NOL10: variants seen among roughly 807,000 people sequenced by gnomAD.
NOL10 encodes the protein nucleolar protein 10, also known as H_NH0074G24.1.
Under a neutral mutation model 103.5 loss-of-function variants are expected in NOL10, and 58 were observed. That is an observed-to-expected ratio of 0.56 (90% confidence interval 0.45 to 0.70). The LOEUF (loss-of-function observed/expected upper bound fraction) is 0.70, where lower values mean the gene tolerates loss of function less well. NOL10 is among the 30% of genes least tolerant of loss of function. The pLI is 0.00. For missense variants in NOL10, 763 were observed against 807.3 expected (o/e 0.95, Z 0.67); for synonymous variants, 287 against 282.5 (o/e 1.02, Z -0.16).
intron 13 of NOL10, among the ~76,000 whole-genome samples, chr2:10,639,522 A>G (rs1426722374): frequency 1.3e-5 from 2 of 152,082 alleles, no homozygotes; most frequent in Non-Finnish European, 2.9e-5. Flanking sequence ...CACCCCAACC[A>G]CCACCACCAA....
intron 12 of NOL10, among the ~76,000 whole-genome samples, chr2:10,650,838 CA>C (rs1185403833): frequency 6.6e-6 from 1 of 152,142 alleles, no homozygotes; most frequent in African/African-American, 2.4e-5. Context: ...AGCACCCTCT[CA>C]ATCCATTTTA....
At chr2:10,591,773 G>A (rs920629291) in intron 17 of NOL10, among the ~76,000 whole-genome samples, 8 of 152,138 alleles carry the variant, frequency 5.3e-5, no homozygotes, top group African/African-American at 1.9e-4. Flanking sequence ...GGAGGCTGAG[G>A]TGGGAGGACT....
At chr2:10,594,605 A>G (rs571503192) in intron 17 of NOL10, among the ~76,000 whole-genome samples, 1 of 152,358 alleles carries the variant, frequency 6.6e-6, no homozygotes, top group African/African-American at 2.4e-5. Flanking sequence ...AACTACATAG[A>G]AAACGAGCAA....
chr2:10,650,477 C>G (rs1274253202), intron 12 of NOL10, among the ~76,000 whole-genome samples: 1 of 152,162 alleles, frequency 6.6e-6, no homozygotes, highest in African/African-American at 2.4e-5. Flanking sequence ...CAACAATCTT[C>G]ATTAAATAAG....
intron 3 of NOL10, among the ~76,000 whole-genome samples, chr2:10,678,797 C>G (rs1272760729): frequency 6.6e-6 from 1 of 152,160 alleles, no homozygotes; most frequent in Admixed American, 6.5e-5. Flanking sequence ...CATTCCAACT[C>G]CATTTCCCCT....
intron 20 of NOL10, among the ~76,000 whole-genome samples, chr2:10,573,820 C>T (rs1234691647): frequency 6.6e-6 from 1 of 152,160 alleles, no homozygotes; most frequent in Non-Finnish European, 1.5e-5. Context: ...CAAACTCCTC[C>T]ACTGTGCTCC....
At position 10,587,140 on chromosome 2, in the gene NOL10, CAT is replaced by C. The variant is rs1419070763; in HGVS notation, c.1844+1901_1844+1902del. Reference sequence around the variant, plus strand: ...ATATACATATATATACATATATACACATATATATACATATATACACATATATA... The same window carrying C: ...ATATACATATATATACATATATACACATATATACATATATACACATATATA... On this transcript the variant is annotated intron_variant, in intron 19 of 20. Transcript: ENST00000381685. 1.9e-3 allele frequency among the ~76,000 whole-genome samples: 60 copies of C among 32,216 alleles called. 17 individuals carry two copies. Among genetic ancestry groups the C allele is most frequent in the African/African-American group, 9.3e-3 (51 of 5,484 alleles). The allele number at this position is 32,216 out of a possible 152,430, so 21.1% of individuals were successfully genotyped here.
intron 10 of NOL10, 54 bp downstream of exon 10, chr2:10,659,118 C>T (rs1163783158): frequency 8.4e-7 from 1 of 1,190,584 alleles, no homozygotes; most frequent in African/African-American, 1.5e-5. Context: ...ATGACACATA[C>T]ACACACCACT....
intron 17 of NOL10, among the ~76,000 whole-genome samples, chr2:10,599,561 T>C (rs2148181579): frequency 1.3e-5 from 2 of 152,322 alleles, no homozygotes; most frequent in South Asian, 4.1e-4. Flanking sequence ...ATTAATAAGT[T>C]TGAGGAATTA....
chr2:10,607,065 C>T (rs367620084), intron 14 of NOL10, 120 bp downstream of exon 14: 12 of 546,242 alleles, frequency 2.2e-5, no homozygotes, highest in East Asian at 9.6e-5. Context: ...TCTGATTTGG[C>T]AGAAAGGGAA....
Position 10,596,253 on chromosome 2 carries a change from T to TGGG in NOL10, c.1422+4599_1422+4600insCCC, listed in dbSNP as rs1469968902. 5.6e-4 allele frequency among the ~76,000 whole-genome samples: 10 copies of TGGG among 17,836 alleles called. 1 individual carries two copies. The highest frequency in any genetic ancestry group is 1.6e-3 in the South Asian group (1 of 636). The allele number at this position is 17,836 out of a possible 152,430, so 11.7% of individuals were successfully genotyped here. ...CGGAAGACAAGTTTTCCACAGATGG[T>TGGG]GGTGGGGGGCGGGGGGCGGGCGCGA... On this transcript the variant is annotated intron_variant, in intron 17 of 20. Coordinates refer to ENST00000381685, the MANE Select transcript of NOL10 (RefSeq NM_024894.4).
chr2:10,676,460 AAT>A lies in NOL10; in HGVS notation c.212-591_212-590del, dbSNP rs1353060273. 2.6e-5 allele frequency among the ~76,000 whole-genome samples: 4 copies of A among 152,344 alleles called. No homozygotes were observed. The East Asian group carries it at 7.7e-4, about 29-fold the overall frequency. On this transcript the variant is annotated intron_variant, in intron 3 of 20. Transcript: ENST00000381685. ...AAATGACAATAAATCCACACAAGGG[AAT>A]ATTACATAGCCCATAAAGTGGATGA...
At chr2:10,666,433 GC>G (rs990845600) in intron 8 of NOL10, among the ~76,000 whole-genome samples, 2 of 151,440 alleles carry the variant, frequency 1.3e-5, no homozygotes, top group Non-Finnish European at 2.9e-5. Context: ...TGCAACCTCC[GC>G]CCCCCTGCCT....
intron 13 of NOL10, among the ~76,000 whole-genome samples, chr2:10,614,585 T>C (rs774776860): frequency 3.9e-5 from 6 of 152,194 alleles, no homozygotes; most frequent in Non-Finnish European, 8.8e-5. Context: ...ATACCAGTGA[T>C]TTGGGATAAA....
intron 13 of NOL10, among the ~76,000 whole-genome samples, chr2:10,607,759 A>ATTATTATTT (rs1676336255): frequency 6.7e-6 from 1 of 149,238 alleles, no homozygotes; most frequent in Non-Finnish European, 1.5e-5. Flanking sequence ...ATTTATTATT[A>ATTATTATTT]TTATTATTAT....
At chr2:10,649,612 G>A (rs970999592) in intron 12 of NOL10, among the ~76,000 whole-genome samples, 2 of 152,046 alleles carry the variant, frequency 1.3e-5, no homozygotes, top group African/African-American at 2.4e-5. Flanking sequence ...GAGACACTGC[G>A]CCTGGCCTGA....
At chr2:10,635,499 A>C (rs1420582841) in intron 13 of NOL10, among the ~76,000 whole-genome samples, 1 of 152,086 alleles carries the variant, frequency 6.6e-6, no homozygotes, top group Non-Finnish European at 1.5e-5. Flanking sequence ...GATTTTTACA[A>C]ATCTATATAT....
intron 5 of NOL10, among the ~76,000 whole-genome samples, chr2:10,671,977 T>C (rs1680977398): frequency 6.6e-6 from 1 of 152,164 alleles, no homozygotes; most frequent in Admixed American, 6.6e-5. Context: ...TGTCATAACA[T>C]AGAGCACTCT....
chr2:10,590,831 T>C (rs1675354370), intron 17 of NOL10: 1 of 152,262 alleles, frequency 6.6e-6, no homozygotes, highest in Non-Finnish European at 1.5e-5. Context: ...ACTGTCTTAT[T>C]GTTCCTTCTC....
Sources: gnomAD v4.1 joint callset for allele counts (sites outside exome capture counted in the v4.1 genomes callset) on GRCh38, gnomAD v4.1.1 for gene constraint, MANE v1.5 for transcripts, NCBI Gene and HGNC (gene_info 2026-07-23, HGNC 2026-07-21) for gene names.